The following BMPR1B variants were observed in gnomAD, a reference collection of about 807,000 sequenced individuals.
BMPR1B encodes bone morphogenetic protein receptor type 1B, also known as bone morphogenetic protein receptor type-1B.
In BMPR1B, 12 loss-of-function variants were observed where a neutral mutation model predicts 59.1. That is an observed-to-expected ratio of 0.20 (90% CI 0.13 to 0.33). The LOEUF (loss-of-function observed/expected upper bound fraction) is 0.33, where lower values mean the gene tolerates loss of function less well. Among genes scored for constraint, BMPR1B ranks in the 10% least tolerant of loss-of-function variants. The pLI is 1.00. For synonymous variants in BMPR1B, 237 were observed against 207.3 expected, an observed-to-expected ratio of 1.14 and a Z score of -1.23; for missense variants, 550 against 610.9, an observed-to-expected ratio of 0.90 and a Z score of 1.05.
chr4:94,870,286 G>A (rs551331792), intron 1 of BMPR1B, among the ~76,000 whole-genome samples: 3 of 151,104 alleles, frequency 2.0e-5, no homozygotes, highest in South Asian at 2.1e-4. Context: ...AAGGACCTTC[G>A]TAGTCATACA....
At chr4:95,064,477 C>A (rs1727650613) in intron 3 of BMPR1B, among the ~76,000 whole-genome samples, 1 of 152,046 alleles carries the variant, frequency 6.6e-6, no homozygotes. Flanking sequence ...ACAAACCATC[C>A]CCCACCACCC....
At chr4:95,112,569 G>A (rs1265209133) in intron 4 of BMPR1B, among the ~76,000 whole-genome samples, 1 of 152,108 alleles carries the variant, frequency 6.6e-6, no homozygotes, top group African/African-American at 2.4e-5. Flanking sequence ...CTTTGTGGCA[G>A]CTAATATTCC....
At chr4:95,152,032 T>C (rs534852470) in intron 11 of BMPR1B, among the ~76,000 whole-genome samples, 3 of 152,178 alleles carry the variant, frequency 2.0e-5, no homozygotes, top group Non-Finnish European at 4.4e-5. Context: ...TTTTTTCTAA[T>C]AGTAATGTAT....
At chr4:95,143,497 A>G (rs549009928) in intron 10 of BMPR1B, among the ~76,000 whole-genome samples, 48 of 152,162 alleles carry the variant, frequency 3.2e-4, no homozygotes, top group African/African-American at 1.1e-3. Context: ...CCTACCCTCA[A>G]AACCATAACC....
chr4:95,029,168 A>T (rs1724637973), intron 3 of BMPR1B, among the ~76,000 whole-genome samples: 1 of 151,888 alleles, frequency 6.6e-6, no homozygotes, highest in South Asian at 2.1e-4. Flanking sequence ...ACATATGTAT[A>T]CATGTGCCAT....
intron 3 of BMPR1B, among the ~76,000 whole-genome samples, chr4:95,076,587 G>A (rs750827272): frequency 6.6e-6 from 1 of 152,028 alleles, no homozygotes; most frequent in Non-Finnish European, 1.5e-5. Context: ...TTTTACAGAT[G>A]AGGAAATGAA....
chr4:95,019,460 A>C (rs1415735259), intron 3 of BMPR1B, among the ~76,000 whole-genome samples: 1 of 152,214 alleles, frequency 6.6e-6, no homozygotes, highest in Non-Finnish European at 1.5e-5. Context: ...AAAGTTACCT[A>C]CTAGAGAATG....
chr4:95,002,598 G>A (rs191946641), intron 3 of BMPR1B, among the ~76,000 whole-genome samples: 272 of 152,306 alleles, frequency 1.8e-3, no homozygotes, highest in African/African-American at 6.3e-3. Flanking sequence ...TACTAACAGT[G>A]TATAAGCAAT....
At chr4:95,140,657 T>G (rs1412651937) in intron 10 of BMPR1B, among the ~76,000 whole-genome samples, 1 of 152,096 alleles carries the variant, frequency 6.6e-6, no homozygotes, top group African/African-American at 2.4e-5. Context: ...TGGGACATGC[T>G]TCATTTCTCC....
intron 1 of BMPR1B, among the ~76,000 whole-genome samples, chr4:94,852,344 A>G (rs1314464515): frequency 1.3e-5 from 2 of 152,162 alleles, no homozygotes; most frequent in African/African-American, 4.8e-5. Context: ...GAAAAAATAT[A>G]TGTATACACA....
chr4:95,100,040 A>G (rs551544732), intron 3 of BMPR1B, among the ~76,000 whole-genome samples: 1 of 152,276 alleles, frequency 6.6e-6, no homozygotes, highest in South Asian at 2.1e-4. Flanking sequence ...CTCTCTTCCA[A>G]CATCTTTTGA....
chr4:94,908,534 CT>C (rs1369023427), intron 2 of BMPR1B, among the ~76,000 whole-genome samples: 1 of 151,892 alleles, frequency 6.6e-6, no homozygotes, highest in East Asian at 1.9e-4. Context: ...AACATCTCTT[CT>C]TTTTCTACAT....
chr4:95,147,189 A>G (rs771570062), intron 10 of BMPR1B, among the ~76,000 whole-genome samples: 1 of 152,166 alleles, frequency 6.6e-6, no homozygotes, highest in Non-Finnish European at 1.5e-5. Flanking sequence ...ATATCTGTTG[A>G]TATGTCATCT....
intron 2 of BMPR1B, among the ~76,000 whole-genome samples, chr4:94,983,808 TG>T (rs762541862): frequency 5.3e-5 from 8 of 152,264 alleles, no homozygotes; most frequent in Non-Finnish European, 8.8e-5. Context: ...GTTTATCTCA[TG>T]GCCTTTGCCG....
At chr4:95,056,186 T>C (rs944668353) in intron 3 of BMPR1B, among the ~76,000 whole-genome samples, 1 of 152,190 alleles carries the variant, frequency 6.6e-6, no homozygotes, top group Non-Finnish European at 1.5e-5. Context: ...CTTTTGGTCT[T>C]GATTATTATA....
intron 12 of BMPR1B, 127 bp from the exon 13 acceptor site, chr4:95,154,421 T>A (rs1735265605): frequency 7.6e-7 from 1 of 1,320,436 alleles, no homozygotes; most frequent in Non-Finnish European, 1.1e-6. Flanking sequence ...GAATTTTACT[T>A]CTACATGGTT....
intron 3 of BMPR1B, among the ~76,000 whole-genome samples, chr4:95,017,897 A>G (rs900714131): frequency 6.6e-6 from 1 of 152,184 alleles, no homozygotes; most frequent in African/African-American, 2.4e-5. Context: ...AGATGCTTTT[A>G]TGTCAACATC....
chr4:94,846,410 C>T (rs1480855568), intron 1 of BMPR1B, among the ~76,000 whole-genome samples: 2 of 152,078 alleles, frequency 1.3e-5, no homozygotes, highest in Non-Finnish European at 2.9e-5. Flanking sequence ...ACATTTGAGT[C>T]AATGGGCTGG....
chr4:94,868,616 A>G (rs1726352595), intron 1 of BMPR1B, among the ~76,000 whole-genome samples: 1 of 152,198 alleles, frequency 6.6e-6, no homozygotes, highest in South Asian at 2.1e-4. Flanking sequence ...TTGAACGATG[A>G]GCAGGTTTGG....
Sources: gnomAD v4.1 joint callset for allele counts (sites outside exome capture counted in the v4.1 genomes callset) on GRCh38, gnomAD v4.1.1 for gene constraint, MANE v1.5 for transcripts, NCBI Gene and HGNC (gene_info 2026-07-23, HGNC 2026-07-21) for gene names.